Variants in SPECC1L observed in about 807,000 individuals in gnomAD.
SPECC1L encodes the protein sperm antigen with calponin homology and coiled-coil domains 1 like.
Under a neutral mutation model 116.8 loss-of-function variants are expected in SPECC1L, and 40 were observed. The observed-to-expected ratio is 0.34, with a 90% confidence interval of 0.27 to 0.45. The LOEUF (loss-of-function observed/expected upper bound fraction) is 0.45, where lower values mean the gene tolerates loss of function less well. Ranked by LOEUF, SPECC1L falls within the 20% of genes least tolerant of loss-of-function variation. SPECC1L has a pLI of 1.00. For missense variants in SPECC1L, 1,110 were observed against 1,373.6 expected (o/e 0.81, Z 3.03); for synonymous variants, 504 against 500.6 (o/e 1.01, Z -0.09).
At chr22:24,392,479 G>T (rs926180190) in intron 14 of SPECC1L, among the ~76,000 whole-genome samples, 1 of 152,170 alleles carries the variant, frequency 6.6e-6, no homozygotes, top group Non-Finnish European at 1.5e-5. Context: ...TTAGATACAT[G>T]ATTGCTCTGG....
intron 8 of SPECC1L, 53 bp from the exon 9 acceptor site, chr22:24,334,357 G>C: frequency 6.3e-7 from 1 of 1,587,842 alleles, no homozygotes; most frequent in Non-Finnish European, 8.6e-7. Context: ...AGGGGAAAAT[G>C]TGTATGTTCT....
intron 14 of SPECC1L, among the ~76,000 whole-genome samples, chr22:24,382,725 AAG>A (rs2042085409): frequency 6.7e-6 from 1 of 150,270 alleles, no homozygotes; most frequent in South Asian, 2.1e-4. Flanking sequence ...AAAAAAAAAA[AAG>A]AGTAATGAAC....
chr22:24,342,380 A>T (rs2041194438), intron 10 of SPECC1L, among the ~76,000 whole-genome samples: 1 of 152,160 alleles, frequency 6.6e-6, no homozygotes, highest in South Asian at 2.1e-4. Flanking sequence ...TATGAAAAAG[A>T]ATAGAGGAGG....
chr22:24,390,879 T>TC (rs2042256987), intron 14 of SPECC1L, among the ~76,000 whole-genome samples: 3 of 116,932 alleles, frequency 2.6e-5, no homozygotes, highest in East Asian at 2.4e-4. Context: ...TTTCTTTTTT[T>TC]TTTTTTTTTT....
intron 14 of SPECC1L, among the ~76,000 whole-genome samples, chr22:24,386,326 G>C (rs2042159991): frequency 6.6e-6 from 1 of 152,090 alleles, no homozygotes; most frequent in African/African-American, 2.4e-5. Context: ...GCTCTATTGG[G>C]AGGCTGAGGC....
At chr22:24,407,738 C>G (rs113350765) in intron 14 of SPECC1L, among the ~76,000 whole-genome samples, 3,785 of 152,176 alleles carry the variant, frequency 0.025, 152 homozygotes, top group South Asian at 0.12. Context: ...CTTTAATAGA[C>G]TTTTTCCTCT....
intron 14 of SPECC1L, among the ~76,000 whole-genome samples, chr22:24,400,632 G>A (rs1046655432): frequency 6.6e-6 from 1 of 152,194 alleles, no homozygotes; most frequent in Non-Finnish European, 1.5e-5. Flanking sequence ...TTAACTTACT[G>A]AGGAACTGCC....
intron 14 of SPECC1L, among the ~76,000 whole-genome samples, chr22:24,394,046 A>AT (rs2042320910): frequency 6.6e-6 from 1 of 152,044 alleles, no homozygotes; most frequent in African/African-American, 2.4e-5. Context: ...GTGTTAGTCC[A>AT]TTTTTTGGGT....
At chr22:24,400,905 C>G (rs9637318) in intron 14 of SPECC1L, among the ~76,000 whole-genome samples, 1 of 152,196 alleles carries the variant, frequency 6.6e-6, no homozygotes, top group East Asian at 1.9e-4. Context: ...GTTTGGGCAA[C>G]TGGGTTGTCT....
At chr22:24,285,472 A>G (rs1345755439) in intron 2 of SPECC1L, among the ~76,000 whole-genome samples, 2 of 152,134 alleles carry the variant, frequency 1.3e-5, no homozygotes, top group Non-Finnish European at 2.9e-5. Flanking sequence ...TAGCATTTGA[A>G]CGCATATTCT....
intron 14 of SPECC1L, among the ~76,000 whole-genome samples, chr22:24,383,424 T>C (rs2146701656): frequency 6.6e-6 from 1 of 151,972 alleles, no homozygotes; most frequent in East Asian, 1.9e-4. Flanking sequence ...AATTAATTAA[T>C]TAATTAAAAT....
intron 2 of SPECC1L, among the ~76,000 whole-genome samples, chr22:24,279,570 A>AATTATTATT (rs56978503): frequency 0.01 from 1,534 of 150,542 alleles, 33 homozygotes; most frequent in African/African-American, 0.034. Flanking sequence ...TTATTTTTTT[A>AATTATTATT]ATTATTATTA....
chr22:24,369,147 A>G (rs2041827986), intron 13 of SPECC1L, 71 bp from the exon 14 acceptor site: 5 of 1,122,508 alleles, frequency 4.5e-6, no homozygotes, highest in African/African-American at 3.1e-5. Flanking sequence ...TAAAAATGCA[A>G]ACTTTAATAC....
At chr22:24,320,919 A>T (rs2146475355) in intron 4 of SPECC1L, among the ~76,000 whole-genome samples, 1 of 152,216 alleles carries the variant, frequency 6.6e-6, no homozygotes, top group South Asian at 2.1e-4. Flanking sequence ...AGTCATCTTC[A>T]CCTGTCTTGC....
intron 14 of SPECC1L, among the ~76,000 whole-genome samples, chr22:24,400,386 C>G (rs748915967): frequency 6.6e-6 from 1 of 152,166 alleles, no homozygotes; most frequent in South Asian, 2.1e-4. Flanking sequence ...CATATTGTGG[C>G]GTATATTCGT....
At chr22:24,315,369 A>G (rs2040539548) in intron 4 of SPECC1L, among the ~76,000 whole-genome samples, 2 of 152,286 alleles carry the variant, frequency 1.3e-5, no homozygotes, top group East Asian at 3.8e-4. Context: ...TCCTCATTTT[A>G]GAGATGAGAA....
chr22:24,273,950 G>A (rs897985928), intron 1 of SPECC1L, among the ~76,000 whole-genome samples: 1 of 152,178 alleles, frequency 6.6e-6, no homozygotes, highest in Admixed American at 6.5e-5. Context: ...TAGAGACAGG[G>A]TTTTTCCATG....
intron 12 of SPECC1L, among the ~76,000 whole-genome samples, chr22:24,363,937 G>T (rs1378109727): frequency 3.0e-5 from 4 of 134,622 alleles, no homozygotes; most frequent in Non-Finnish European, 6.4e-5. Context: ...GGGTGGGGGT[G>T]GGAGTGGGGG....
At chr22:24,281,158 C>A (rs1432589681) in intron 2 of SPECC1L, among the ~76,000 whole-genome samples, 1 of 152,068 alleles carries the variant, frequency 6.6e-6, no homozygotes, top group Non-Finnish European at 1.5e-5. Flanking sequence ...TATATGTGTT[C>A]CTGGAAGCAT....
Sources: gnomAD v4.1 joint callset for allele counts (sites outside exome capture counted in the v4.1 genomes callset) on GRCh38, gnomAD v4.1.1 for gene constraint, MANE v1.5 for transcripts, NCBI Gene and HGNC (gene_info 2026-07-23, HGNC 2026-07-21) for gene names.